NAV1: variants seen among roughly 807,000 people sequenced by gnomAD.
NAV1 encodes the protein pore membrane and/or filament interacting like protein 3.
A neutral mutation model predicts 175.2 loss-of-function variants in NAV1; 18 were observed. The ratio of observed to expected loss-of-function variants is 0.10; its 90% CI spans 0.07 to 0.15. The LOEUF is 0.15. Among genes scored for constraint, NAV1 ranks in the 10% least tolerant of loss-of-function variants. The pLI is 1.00. For synonymous variants in NAV1, 897 were observed against 978.7 expected (o/e 0.92, Z 1.56); for missense variants, 1,731 against 2,436.6 (o/e 0.71, Z 6.10).
chr1:201,811,487 G>A, intron 24 of NAV1, 116 bp from the exon 29 acceptor site: 1 of 1,268,812 alleles, frequency 7.9e-7, no homozygotes. Context: ...AATTTGCAAG[G>A]AACTAAAGGC....
intron 1 of NAV1, among the ~76,000 whole-genome samples, chr1:201,547,516 T>C (rs1665706942): frequency 6.6e-6 from 1 of 152,168 alleles, no homozygotes; most frequent in Non-Finnish European, 1.5e-5. Flanking sequence ...TCCCTAAAAT[T>C]GGGATAGTGA....
chr1:201,729,762 C>T (rs61821711), intron 3 of NAV1, among the ~76,000 whole-genome samples: 22,794 of 150,918 alleles, frequency 0.15, 2,093 homozygotes, highest in East Asian at 0.36. Flanking sequence ...AAAAATTAGC[C>T]GGGTGTGGTG....
At chr1:201,784,827 C>T (rs866629906) in intron 7 of NAV1, among the ~76,000 whole-genome samples, 15 of 151,810 alleles carry the variant, frequency 9.9e-5, no homozygotes, top group African/African-American at 3.1e-4. Flanking sequence ...AGTGCAGTGG[C>T]GCGATCTTGG....
At chr1:201,603,895 A>C (rs755337544) in intron 2 of NAV1, among the ~76,000 whole-genome samples, 83 of 152,198 alleles carry the variant, frequency 5.5e-4, no homozygotes, top group Non-Finnish European at 1.8e-4. Context: ...AATTCTAGTC[A>C]TAATAATGGT....
intron 2 of NAV1, among the ~76,000 whole-genome samples, chr1:201,609,269 C>G (rs576004073): frequency 6.6e-6 from 1 of 152,234 alleles, no homozygotes; most frequent in Non-Finnish European, 1.5e-5. Flanking sequence ...GCTGCCTTCA[C>G]TTGGCAAGAG....
intron 2 of NAV1, among the ~76,000 whole-genome samples, chr1:201,637,840 C>T (rs970424315): frequency 2.6e-5 from 4 of 152,142 alleles, no homozygotes; most frequent in Non-Finnish European, 4.4e-5. Flanking sequence ...GGTCTAAGGG[C>T]GATGTACCTG....
chr1:201,568,272 G>T (rs943324180), intron 1 of NAV1, among the ~76,000 whole-genome samples: 1 of 152,156 alleles, frequency 6.6e-6, no homozygotes, highest in Non-Finnish European at 1.5e-5. Flanking sequence ...TCCCTAGCTG[G>T]CAGTTTCCTG....
At chr1:201,619,251 C>T (rs749946242), upstream of NAV1, among the ~76,000 whole-genome samples, 1 of 152,274 alleles carries the variant, frequency 6.6e-6, no homozygotes, top group Non-Finnish European at 1.5e-5. Context: ...CCTTAGGGCT[C>T]TTTTAGCTGG....
At position 201,690,608 on chromosome 1, in the gene NAV1, G is replaced by A. The variant is rs150119231; in HGVS notation, c.758-22209G>A. Among the ~76,000 whole-genome samples, 228 of 142,690 alleles carry A rather than the reference G, an allele frequency of 1.6e-3. 1 individual carries two copies. The highest frequency in any genetic ancestry group is 5.5e-3 in the African/African-American group (206 of 37,536). 93.6% of individuals were successfully genotyped at this position (142,690 alleles called of 152,430 possible). A position where few individuals can be genotyped will look rare whatever the true frequency, so the allele number is the denominator to read the frequency against. ...TGTGTGTCTGTTTCCTCTGTGGCTC[G>A]TCTGTGGCAGAATGTGTCTATTTCC... On this transcript the variant is annotated intron_variant, in intron 1 of 29. Coordinates refer to ENST00000367296, the Ensembl canonical transcript of NAV1.
At chr1:201,739,838 T>C (rs933561979) in intron 3 of NAV1, 1 of 1,251,748 alleles carries the variant, frequency 8.0e-7, no homozygotes, top group African/African-American at 1.5e-5. Flanking sequence ...TAAGTACAGC[T>C]GGAGCCGTAA....
chr1:201,721,185 G>A (rs1672371344), intron 3 of NAV1, among the ~76,000 whole-genome samples: 1 of 152,032 alleles, frequency 6.6e-6, no homozygotes, highest in Non-Finnish European at 1.5e-5. Flanking sequence ...AGAATCAATT[G>A]TTGGCATGGC....
intron 3 of NAV1, among the ~76,000 whole-genome samples, chr1:201,731,318 CTGTT>C (rs916338659): frequency 2.0e-5 from 3 of 152,046 alleles, no homozygotes; most frequent in Admixed American, 6.6e-5. Flanking sequence ...ACAAGATCGA[CTGTT>C]TGAGGACACA....
At position 201,718,550 on chromosome 1, in the gene NAV1, G is replaced by A. The variant is rs1672234381; in HGVS notation, c.1021G>A (p.Gly341Arg). The A allele has an allele frequency of 6.2e-7, 1 of 1,613,472 alleles. No individual in the cohort carries two copies. The highest frequency in any genetic ancestry group is 1.1e-5 in the South Asian group (1 of 91,074). Residue 341 changes from glycine (G) to arginine (R), a missense_variant, in exon 3 of 30, where the codon GGG (glycine) becomes AGG (arginine). Physicochemically the swap from Gly to Arg is moderately radical, Grantham distance 125. This residue lies in a region of NAV1 where 487 missense variants were observed against 581.3 expected (regional missense o/e 0.84). Transcript: ENST00000367296. This position sits in a 1 kb window ranked among gnomAD's most constrained non-coding sequence, Gnocchi z 4.8. ...TGTGGGTGGGAGCTGCCGCTCGGAGGGGACGCCCGCCTGGTACATGCACGG... is the reference window on the plus strand; with the variant it reads ...TGTGGGTGGGAGCTGCCGCTCGGAGAGGACGCCCGCCTGGTACATGCACGG...
At chr1:201,698,078 G>A (rs191496569) in intron 1 of NAV1, among the ~76,000 whole-genome samples, 129 of 152,286 alleles carry the variant, frequency 8.5e-4, no homozygotes, top group African/African-American at 2.6e-3. Flanking sequence ...GTGGCCTCTC[G>A]TCGTCTGATG....
intron 2 of NAV1, among the ~76,000 whole-genome samples, chr1:201,599,998 G>T (rs1266132234): frequency 6.6e-6 from 1 of 152,250 alleles, no homozygotes; most frequent in African/African-American, 2.4e-5. Flanking sequence ...TCTGGGCTCT[G>T]AACCGAGGAG....
At chr1:201,603,352 C>T (rs1393224234) in intron 2 of NAV1, among the ~76,000 whole-genome samples, 1 of 152,114 alleles carries the variant, frequency 6.6e-6, no homozygotes, top group East Asian at 1.9e-4. Context: ...CTGAAAGGAC[C>T]TCATATAGTC....
intron 2 of NAV1, among the ~76,000 whole-genome samples, chr1:201,610,006 T>C (rs1299133263): frequency 1.3e-5 from 2 of 152,112 alleles, no homozygotes; most frequent in Non-Finnish European, 2.9e-5. Context: ...TGTTGGGGTG[T>C]TTGGAACTGA....
intron 1 of NAV1, among the ~76,000 whole-genome samples, chr1:201,543,243 T>C (rs1218537185): frequency 6.6e-6 from 1 of 152,230 alleles, no homozygotes; most frequent in African/African-American, 2.4e-5. Flanking sequence ...CTTTCACCAG[T>C]GAGCGTGATG....
rs764483919 is a variant in NAV1, at chr1:201,798,695, C to CTTTTTTTTT, written c.3517+4135_3517+4143dup. ...AAGAATTACTGTTCATTTTCTCTCT[C>CTTTTTTTTT]TTTTTTTTTTTTTTTTTTTTTTTTT... On this transcript the variant is annotated intron_variant, in intron 15 of 29. Coordinates refer to ENST00000367296, the Ensembl canonical transcript of NAV1. 4.5e-4 allele frequency: 31 copies of CTTTTTTTTT among 69,498 alleles called. 3 individuals are homozygous for CTTTTTTTTT. The highest frequency in any genetic ancestry group is 6.6e-4 in the African/African-American group (11 of 16,726). The allele number at this position is 69,498 out of a possible 1,614,324, so 4.3% of individuals were successfully genotyped here.
Sources: gnomAD v4.1 joint callset for allele counts (sites outside exome capture counted in the v4.1 genomes callset) on GRCh38, gnomAD v4.1.1 for gene constraint, gnomAD v4.1.1 regional missense constraint, Gnocchi (gnomAD v3.1) non-coding constraint, MANE v1.5 for transcripts, NCBI Gene and HGNC (gene_info 2026-07-23, HGNC 2026-07-21) for gene names.